Variants in EXOC4 observed in about 807,000 individuals in gnomAD.
EXOC4 encodes the protein exocyst complex component 4, also known as SEC8-like 1.
In EXOC4, 71 loss-of-function variants were observed where a neutral mutation model predicts 107.2. The ratio of observed to expected loss-of-function variants is 0.66; its 90% CI spans 0.55 to 0.81. The LOEUF (loss-of-function observed/expected upper bound fraction) is 0.81, where lower values mean the gene tolerates loss of function less well. Ranked by LOEUF, EXOC4 falls within the 30% of genes least tolerant of loss-of-function variation. The probability of loss-of-function intolerance (pLI) is 0.00; values close to 1 mark genes in which losing one functional copy is unlikely to be tolerated. For missense variants in EXOC4, 1,108 were observed against 1,189.6 expected, an observed-to-expected ratio of 0.93 and a Z score of 1.01; for synonymous variants, 456 against 441.2, an observed-to-expected ratio of 1.03 and a Z score of -0.42.
At chr7:134,059,411 G>C (rs908431380) in intron 17 of EXOC4, among the ~76,000 whole-genome samples, 1 of 152,056 alleles carries the variant, frequency 6.6e-6, no homozygotes, top group African/African-American at 2.4e-5. Flanking sequence ...AATACTCAAA[G>C]ATAAAAAGAT....
intron 15 of EXOC4, 143 bp from the exon 16 acceptor site, chr7:134,004,769 T>A: frequency 1.5e-6 from 1 of 648,674 alleles, no homozygotes; most frequent in Non-Finnish European, 2.6e-6. Context: ...ACAAATAGGG[T>A]ACACAGTAAG....
intron 11 of EXOC4, among the ~76,000 whole-genome samples, chr7:133,876,509 C>A (rs1320978477): frequency 6.6e-6 from 1 of 151,948 alleles, no homozygotes; most frequent in Non-Finnish European, 1.5e-5. Context: ...CTTCTTCTTC[C>A]TTCATTTTTC....
In EXOC4 at chr7:133,463,173, T is replaced by C. The variant is rs78336200; in HGVS notation, c.1183-12155T>C. Among the ~76,000 whole-genome samples the C allele has an allele frequency of 4.8e-3, 731 of 152,270 alleles. 4 individuals carry two copies. Among genetic ancestry groups the C allele is most frequent in the Middle Eastern group, 0.017 (5 of 294 alleles). ...GAGGGACTGGACATGAAGTGTGTAG[T>C]ATTAAATCTATAGGATTTGGCAGGT... On this transcript the variant is annotated intron_variant, in intron 7 of 17. Transcript: ENST00000253861.
At chr7:133,966,247 A>G (rs1472005679) in intron 14 of EXOC4, among the ~76,000 whole-genome samples, 2 of 152,226 alleles carry the variant, frequency 1.3e-5, no homozygotes, top group African/African-American at 2.4e-5. Flanking sequence ...GGGGTTTTCT[A>G]AATATACAAT....
chr7:134,012,252 G>A (rs1008483449), intron 17 of EXOC4, among the ~76,000 whole-genome samples: 1 of 152,146 alleles, frequency 6.6e-6, no homozygotes, highest in African/African-American at 2.4e-5. Flanking sequence ...AGTTGGGGAG[G>A]GGAGGTTGTA....
At chr7:133,629,240 T>C (rs1055491084) in intron 9 of EXOC4, among the ~76,000 whole-genome samples, 1 of 151,966 alleles carries the variant, frequency 6.6e-6, no homozygotes, top group African/African-American at 2.4e-5. Context: ...CATAAAATAA[T>C]AGTGTGTCTT....
intron 11 of EXOC4, among the ~76,000 whole-genome samples, chr7:133,846,869 C>T (rs983920022): frequency 1.3e-5 from 2 of 152,190 alleles, no homozygotes; most frequent in Admixed American, 1.3e-4. Flanking sequence ...GGGCTTGAGA[C>T]CCATATAATC....
chr7:133,366,443 C>T (rs975229300), intron 6 of EXOC4, among the ~76,000 whole-genome samples: 14 of 152,136 alleles, frequency 9.2e-5, no homozygotes, highest in Non-Finnish European at 2.1e-4. Flanking sequence ...CTTTCTTCAT[C>T]CTGTTACTTT....
At chr7:133,253,669 G>C (rs1584750215) in intron 1 of EXOC4, 1 of 232,778 alleles carries the variant, frequency 4.3e-6, no homozygotes. Context: ...CCTGTGCGTG[G>C]CCACAGCCAC....
intron 11 of EXOC4, among the ~76,000 whole-genome samples, chr7:133,843,780 A>G (rs1433606415): frequency 6.6e-6 from 1 of 152,050 alleles, no homozygotes; most frequent in Non-Finnish European, 1.5e-5. Context: ...CTCATTCAGT[A>G]TGATGTTGGC....
the EXOC4 span, among the ~76,000 whole-genome samples, chr7:134,093,486 A>G: frequency 2.6e-5 from 4 of 152,188 alleles, no homozygotes; most frequent in African/African-American, 9.7e-5. Context: ...CGGGGCTTCA[A>G]CAACCCACTA....
At chr7:133,330,223 A>G (rs556979302) in intron 5 of EXOC4, among the ~76,000 whole-genome samples, 2 of 152,154 alleles carry the variant, frequency 1.3e-5, no homozygotes, top group African/African-American at 4.8e-5. Flanking sequence ...TTACTCTGTG[A>G]GGGTAAAACC....
chr7:134,076,190 C>A, the EXOC4 span, among the ~76,000 whole-genome samples: 1 of 152,134 alleles, frequency 6.6e-6, no homozygotes, highest in Non-Finnish European at 1.5e-5. Flanking sequence ...GATTTCCCAA[C>A]AAGTCCTCAG....
At chr7:133,487,708 C>CA (rs1347368180) in intron 9 of EXOC4, among the ~76,000 whole-genome samples, 3 of 151,834 alleles carry the variant, frequency 2.0e-5, no homozygotes, top group East Asian at 1.9e-4. Flanking sequence ...GACTCCATCT[C>CA]AAAAAACAAA....
the EXOC4 span, among the ~76,000 whole-genome samples, chr7:134,087,637 T>C: frequency 6.6e-6 from 1 of 152,164 alleles, no homozygotes; most frequent in Admixed American, 6.5e-5. Flanking sequence ...GATCCAGATT[T>C]TTACATTACC....
chr7:133,408,395 G>T (rs1165810205), intron 7 of EXOC4, among the ~76,000 whole-genome samples: 1 of 151,428 alleles, frequency 6.6e-6, no homozygotes, highest in East Asian at 1.9e-4. Context: ...GGAGAGATTG[G>T]TAGTGATGAT....
chr7:133,672,284 G>T (rs991232661), intron 10 of EXOC4, among the ~76,000 whole-genome samples: 1 of 151,610 alleles, frequency 6.6e-6, no homozygotes, highest in African/African-American at 2.4e-5. Context: ...CCAGCTACTC[G>T]GGAGGCTGAG....
intron 10 of EXOC4, among the ~76,000 whole-genome samples, chr7:133,657,804 C>T (rs1339226124): frequency 6.6e-6 from 1 of 152,156 alleles, no homozygotes; most frequent in African/African-American, 2.4e-5. Context: ...GGTCCTTGGA[C>T]TTTGTCAAGG....
intron 5 of EXOC4, among the ~76,000 whole-genome samples, chr7:133,348,394 A>G (rs577587992): frequency 2.8e-4 from 43 of 152,308 alleles, no homozygotes; most frequent in Non-Finnish European, 5.6e-4. Flanking sequence ...TTAATGGGCT[A>G]TCTATCATAT....
Sources: allele counts gnomAD v4.1 joint callset (sites outside exome capture counted in the v4.1 genomes callset), GRCh38; gene constraint gnomAD v4.1.1; transcripts MANE v1.5; gene names NCBI Gene and HGNC (gene_info 2026-07-23, HGNC 2026-07-21).